DYSF: variants seen among roughly 807,000 people sequenced by gnomAD.
DYSF encodes dystrophy-associated fer-1-like 1.
Under a neutral mutation model 274.9 loss-of-function variants are expected in DYSF, and 212 were observed. That is an observed-to-expected ratio of 0.77 (90% CI 0.69 to 0.86). The LOEUF is 0.86. DYSF is among the 40% of genes least tolerant of loss of function. The pLI is 0.00. For missense variants in DYSF, 2,666 were observed against 2,783.2 expected, an observed-to-expected ratio of 0.96 and a Z score of 0.95; for synonymous variants, 1,091 against 1,078.7, an observed-to-expected ratio of 1.01 and a Z score of -0.22.
At chr2:71,499,311 C>T (rs977790841) in intron 3 of DYSF, among the ~76,000 whole-genome samples, 3 of 152,180 alleles carry the variant, frequency 2.0e-5, no homozygotes, top group Non-Finnish European at 4.4e-5. Flanking sequence ...GTGAATAATT[C>T]CCCATTATTG....
chr2:71,587,836 G>C (rs1419744766), intron 30 of DYSF, among the ~76,000 whole-genome samples: 1 of 152,194 alleles, frequency 6.6e-6, no homozygotes, highest in African/African-American at 2.4e-5. Context: ...AGGATGTCCT[G>C]TGGTGGAAGT....
At chr2:71,680,752 A>G (rs945349182) in intron 53 of DYSF, among the ~76,000 whole-genome samples, 1 of 152,252 alleles carries the variant, frequency 6.6e-6, no homozygotes, top group Non-Finnish European at 1.5e-5. Flanking sequence ...AAAATCAGCT[A>G]TGATGCATGC....
At position 71,656,187 on chromosome 2, in the gene DYSF, T is replaced by C; in HGVS notation, c.4652T>C (p.Val1551Ala). ...GTCTATGACACACAGCTGGAGAATG[T>C]GGAGGCCTTTGAGGGCCTGTCTGAC... ...LKVYDTQLEN[V>A]EAFEGLSDFC... The change falls in exon 43 of 56, where the codon GTG (valine) becomes GCG (alanine). Residue 1551 changes from valine (V) to alanine (A), a missense_variant. Val to Ala is a moderately conservative substitution (Grantham distance 64). Transcript: ENST00000410020. 2 of 1,614,194 alleles carry C rather than the reference T, an allele frequency of 1.2e-6. No individual in the cohort carries two copies. The highest frequency in any genetic ancestry group is 1.7e-6 in the Non-Finnish European group (2 of 1,180,046).
chr2:71,457,950 G>A (rs972382390), intron 1 of DYSF, among the ~76,000 whole-genome samples: 4 of 152,072 alleles, frequency 2.6e-5, no homozygotes, highest in East Asian at 1.9e-4. Context: ...AAAGTTGGGC[G>A]GGGGGCTCAG....
At chr2:71,503,188 T>C in intron 3 of DYSF, 26 bp from the exon 4 acceptor site, 1 of 1,610,684 alleles carries the variant, frequency 6.2e-7, no homozygotes, top group East Asian at 2.2e-5. Context: ...GCTAGTTTTC[T>C]ACATTTGACT....
chr2:71,628,316 AC>A (rs1242357486), intron 41 of DYSF, among the ~76,000 whole-genome samples: 1 of 152,054 alleles, frequency 6.6e-6, no homozygotes, highest in South Asian at 2.1e-4. Flanking sequence ...CAATTTGCAA[AC>A]TTTTGTACAA....
intron 41 of DYSF, among the ~76,000 whole-genome samples, chr2:71,639,356 A>G (rs1168757708): frequency 6.6e-6 from 1 of 152,088 alleles, no homozygotes; most frequent in Non-Finnish European, 1.5e-5. Flanking sequence ...TTTTAAAGCT[A>G]TGCAAGGAAT....
intron 51 of DYSF, among the ~76,000 whole-genome samples, chr2:71,671,735 G>A (rs1432017978): frequency 6.6e-6 from 1 of 152,180 alleles, no homozygotes; most frequent in Non-Finnish European, 1.5e-5. Flanking sequence ...CGGCAGTTCT[G>A]GGGACCCAGT....
At position 71,551,464 on chromosome 2, in the gene DYSF, C is replaced by T. The variant is rs569437388; in HGVS notation, c.1693-143C>T. 6 of 719,520 alleles carry T rather than the reference C, an allele frequency of 8.3e-6. No homozygotes were observed. The Admixed American group carries it at 1.3e-4, about 16-fold the overall frequency. 44.6% of individuals were successfully genotyped at this position (719,520 alleles called of 1,614,324 possible). A position where few individuals can be genotyped will look rare whatever the true frequency, so the allele number is the denominator to read the frequency against. ...CCCCGAACTCTCTGGGCCATGCTTT[C>T]CTCACCTGCAGGGGGGATGAGGTTG... On this transcript the variant is annotated intron_variant, in intron 18 of 55. Transcript: ENST00000410020.
rs141393119 is a variant in DYSF at position 71,589,484 on chromosome 2, C to T, written c.3403-109C>T. 6.2e-4 allele frequency: 533 copies of T among 866,260 alleles called. 3 individuals carry two copies. Among genetic ancestry groups the T allele is most frequent in the African/African-American group, 3.9e-3 (236 of 60,542 alleles). The allele number at this position is 866,260 out of a possible 1,614,324, so 53.7% of individuals were successfully genotyped here. A position where few individuals can be genotyped will look rare whatever the true frequency, so the allele number is the denominator to read the frequency against. On this transcript the variant is annotated intron_variant, in intron 30 of 55. Coordinates refer to ENST00000410020, the MANE Select transcript of DYSF (RefSeq NM_001130987.2). ...AATTAGAGGCTGAGAGTTCAGCTTTCGGCAGCGGAGAGATCTCCTGGCCCT... is the reference window on the plus strand; with the variant it reads ...AATTAGAGGCTGAGAGTTCAGCTTTTGGCAGCGGAGAGATCTCCTGGCCCT...
chr2:71,515,720 T>G lies in DYSF; in HGVS notation c.857T>G (p.Ile286Ser), dbSNP rs375448108. The G allele has an allele frequency of 1.4e-5, 23 of 1,613,912 alleles. No individual in the cohort carries two copies. Among genetic ancestry groups the G allele is most frequent in the Non-Finnish European group, 1.9e-5 (22 of 1,180,026 alleles). ...TAAGQTKRTR[I>S]HKGNSPLFNE... ...GCAGGGCAGACCAAGCGGACGCGGA[T>G]CCACAAGGGAAACAGCCCACTCTTC... Residue 286 changes from isoleucine (I) to serine (S), a missense_variant, in exon 8 of 56, where the codon ATC becomes AGC. Physicochemically the swap from Ile to Ser is moderately radical, Grantham distance 142. Around this residue, in one of 3 missense-constraint regions of DYSF, gnomAD observed 794 missense variants for 777.1 expected, o/e 1.02. Transcript: ENST00000410020.
chr2:71,675,311 G>A (rs1034505221), intron 52 of DYSF, among the ~76,000 whole-genome samples: 1 of 152,224 alleles, frequency 6.6e-6, no homozygotes, highest in Non-Finnish European at 1.5e-5. Context: ...TTTATGTGAG[G>A]TGGATTTTAC....
rs867356129 is a variant in DYSF, at chr2:71,653,370, T to C, written c.4627-2792T>C. Among the ~76,000 whole-genome samples the C allele has an allele frequency of 2.0e-4, 31 of 152,044 alleles. No homozygotes were observed. The South Asian group carries it at 2.1e-3, about 10-fold the overall frequency. On this transcript the variant is annotated intron_variant, in intron 42 of 55. Transcript: ENST00000410020. ...AAAGACACATGCACACGTATGTTTA[T>C]TGCGGCACTATTCACAATAGCAAAG...
intron 45 of DYSF, among the ~76,000 whole-genome samples, chr2:71,662,726 T>C (rs1234367799): frequency 6.6e-6 from 1 of 151,340 alleles, no homozygotes; most frequent in Non-Finnish European, 1.5e-5. Flanking sequence ...TGTGTGTGTA[T>C]GTGTATTTGT....
At chr2:71,526,411 T>TTGGGGGGG in intron 13 of DYSF, 65 bp downstream of exon 13, 1 of 306,930 alleles carries the variant, frequency 3.3e-6, no homozygotes, top group Non-Finnish European at 5.0e-6. Context: ...CTGGTGGGGG[T>TTGGGGGGG]GGGCGATGGC....
intron 30 of DYSF, among the ~76,000 whole-genome samples, chr2:71,579,193 C>T (rs1049682597): frequency 7.9e-5 from 12 of 152,150 alleles, no homozygotes; most frequent in Admixed American, 6.5e-4. Context: ...TGACGGCTGC[C>T]GGGATGAGCT....
intron 7 of DYSF, 89 bp from the exon 8 acceptor site, chr2:71,515,534 T>C (rs769751965): frequency 1.7e-4 from 271 of 1,577,694 alleles, no homozygotes; most frequent in Non-Finnish European, 2.2e-4. Flanking sequence ...GGTGAGATGG[T>C]CCCTGAGATT....
chr2:71,487,418 G>T (rs2083449505), intron 3 of DYSF, among the ~76,000 whole-genome samples: 1 of 152,162 alleles, frequency 6.6e-6, no homozygotes, highest in East Asian at 1.9e-4. Context: ...GTGGGCTGCA[G>T]GAGTCAGCAC....
intron 1 of DYSF, among the ~76,000 whole-genome samples, chr2:71,474,354 C>T (rs2082248731): frequency 6.6e-6 from 1 of 152,206 alleles, no homozygotes; most frequent in African/African-American, 2.4e-5. Flanking sequence ...TGTTGCTGGT[C>T]CCCAGTTCCT....
Sources: gnomAD v4.1 joint callset for allele counts (sites outside exome capture counted in the v4.1 genomes callset) on GRCh38, gnomAD v4.1.1 for gene constraint, gnomAD v4.1.1 regional missense constraint, MANE v1.5 for transcripts, NCBI Gene and HGNC (gene_info 2026-07-23, HGNC 2026-07-21) for gene names.